The following ENPP6 variants were observed in gnomAD, a reference collection of about 807,000 sequenced individuals.
The protein encoded by ENPP6 is glycerophosphocholine cholinephosphodiesterase ENPP6.
A neutral mutation model predicts 42.0 loss-of-function variants in ENPP6; 32 were observed. That is an observed-to-expected ratio of 0.76 (90% CI 0.58 to 1.02). ENPP6 has a LOEUF of 1.02. ENPP6 is among the 50% of genes least tolerant of loss of function. The probability of loss-of-function intolerance (pLI) is 0.00; values close to 1 mark genes in which losing one functional copy is unlikely to be tolerated. For synonymous variants in ENPP6, 213 were observed against 216.0 expected (o/e 0.99, Z 0.12); for missense variants, 552 against 566.8 (o/e 0.97, Z 0.27).
rs201609614 is a variant in ENPP6 at position 184,217,758 on chromosome 4, G to A, written c.62C>T (p.Ser21Phe). The change falls in exon 1 of 8, where the codon TCT (serine) becomes TTT (phenylalanine). Residue 21 changes from serine to phenylalanine, a missense_variant. Physicochemically the swap from Ser to Phe is radical, Grantham distance 155. This residue lies in a region of ENPP6 where 545 missense variants were observed against 546.3 expected (regional missense o/e 1.00). Coordinates refer to ENST00000296741, the MANE Select transcript of ENPP6 (RefSeq NM_153343.4). Reference protein sequence around the residue: ...ALALGLAQPASARRKLLVFLL... With the variant: ...ALALGLAQPAFARRKLLVFLL... ...AAACACCAGCAGCTTCCGGCGGGCA[G>A]AGGCTGGCTGGGCCAGGCCCAGGGC... 168 of 1,613,984 alleles carry A rather than the reference G, an allele frequency of 1.0e-4. No homozygotes were observed. The highest frequency in any genetic ancestry group is 9.9e-4 in the Middle Eastern group (6 of 6,084).
chr4:184,146,809 C>T (rs1736934025), intron 2 of ENPP6, among the ~76,000 whole-genome samples: 1 of 152,232 alleles, frequency 6.6e-6, no homozygotes, highest in Non-Finnish European at 1.5e-5. Flanking sequence ...TTTCACAGCT[C>T]TGCTGGGGCT....
intron 2 of ENPP6, among the ~76,000 whole-genome samples, chr4:184,133,724 T>G (rs1736682509): frequency 6.6e-6 from 1 of 152,174 alleles, no homozygotes; most frequent in African/African-American, 2.4e-5. Flanking sequence ...AGATATCCTT[T>G]ATCACACTAA....
At chr4:184,152,228 T>C (rs1294917864) in intron 2 of ENPP6, among the ~76,000 whole-genome samples, 1 of 152,206 alleles carries the variant, frequency 6.6e-6, no homozygotes, top group Non-Finnish European at 1.5e-5. Context: ...GGTCTCCGTG[T>C]GTCTGTGTTC....
intron 1 of ENPP6, among the ~76,000 whole-genome samples, chr4:184,200,009 C>G (rs1046606835): frequency 6.6e-6 from 1 of 152,242 alleles, no homozygotes; most frequent in African/African-American, 2.4e-5. Flanking sequence ...AGCTGTCTCC[C>G]TCCTCAAAGC....
chr4:184,104,570 C>T (rs1273522685), intron 6 of ENPP6, among the ~76,000 whole-genome samples: 1 of 152,208 alleles, frequency 6.6e-6, no homozygotes, highest in African/African-American at 2.4e-5. Context: ...TGGACTGTAG[C>T]TCTGGGTCAA....
At chr4:184,125,460 C>G (rs905576907) in intron 2 of ENPP6, among the ~76,000 whole-genome samples, 2 of 152,062 alleles carry the variant, frequency 1.3e-5, no homozygotes, top group Non-Finnish European at 2.9e-5. Flanking sequence ...AAAATGATTT[C>G]CAAGGTGAGG....
At chr4:184,124,862 C>A (rs1047524461) in intron 2 of ENPP6, among the ~76,000 whole-genome samples, 2 of 152,202 alleles carry the variant, frequency 1.3e-5, no homozygotes, top group African/African-American at 4.8e-5. Context: ...GAATCAAACT[C>A]ATTCCGATGT....
intron 7 of ENPP6, among the ~76,000 whole-genome samples, chr4:184,095,668 A>C (rs972926473): frequency 6.7e-6 from 1 of 149,718 alleles, no homozygotes; most frequent in African/African-American, 2.5e-5. Flanking sequence ...AAAAAAAAAT[A>C]TATCTATATA....
chr4:184,150,035 A>C (rs1320214164), intron 2 of ENPP6, among the ~76,000 whole-genome samples: 1 of 152,160 alleles, frequency 6.6e-6, no homozygotes, highest in African/African-American at 2.4e-5. Flanking sequence ...TGAACAACAC[A>C]CACTCAGCTC....
At chr4:184,108,518 G>T (rs1233462937) in intron 6 of ENPP6, among the ~76,000 whole-genome samples, 1 of 152,200 alleles carries the variant, frequency 6.6e-6, no homozygotes, top group Admixed American at 6.5e-5. Context: ...ACAATCGAAC[G>T]ATGTCAAAGG....
At chr4:184,108,973 G>A (rs1736152619) in intron 6 of ENPP6, among the ~76,000 whole-genome samples, 3 of 152,250 alleles carry the variant, frequency 2.0e-5, no homozygotes, top group Admixed American at 2.0e-4. Flanking sequence ...CACTTTGGGA[G>A]GCCAAGGCGG....
At chr4:184,188,625 G>A (rs1365573090) in intron 1 of ENPP6, among the ~76,000 whole-genome samples, 8 of 152,138 alleles carry the variant, frequency 5.3e-5, no homozygotes, top group Non-Finnish European at 1.2e-4. Context: ...AAGCCACGTG[G>A]GGAGACGATG....
chr4:184,158,598 G>A (rs1737211504), intron 1 of ENPP6, among the ~76,000 whole-genome samples: 1 of 152,206 alleles, frequency 6.6e-6, no homozygotes, highest in African/African-American at 2.4e-5. Flanking sequence ...AGAAATTTAT[G>A]AAGAATGCTT....
rs185723482 is a variant in ENPP6 at position 184,094,582 on chromosome 4, G to A, written c.1117+2663C>T. Among the ~76,000 whole-genome samples the A allele has an allele frequency of 5.9e-5, 9 of 152,348 alleles. No individual in the cohort carries two copies. The East Asian group carries it at 1.7e-3, about 29-fold the overall frequency. ...CTGATCCAACTGAGGACCCAGACAG[G>A]CTCTACTAGCTGAAGATGGCATTTC... is the stretch of plus-strand genomic sequence containing the variant. On this transcript the variant is annotated intron_variant, in intron 7 of 7. Coordinates refer to ENST00000296741, the MANE Select transcript of ENPP6 (RefSeq NM_153343.4).
At chr4:184,134,393 G>C (rs1374854573) in intron 2 of ENPP6, among the ~76,000 whole-genome samples, 3 of 152,036 alleles carry the variant, frequency 2.0e-5, no homozygotes, top group Admixed American at 6.6e-5. Flanking sequence ...TTTTAGGAAT[G>C]GTTTTTAAAG....
intron 1 of ENPP6, among the ~76,000 whole-genome samples, chr4:184,155,037 G>A (rs926139067): frequency 6.6e-6 from 1 of 152,152 alleles, no homozygotes; most frequent in African/African-American, 2.4e-5. Context: ...ACTCAACAGA[G>A]GGTCCTCTGT....
rs1005339986 is a variant in ENPP6 at position 184,136,195 on chromosome 4, A to G, written c.422-11923T>C. Among the ~76,000 whole-genome samples, 3 of 148,652 alleles carry G rather than the reference A, an allele frequency of 2.0e-5. No individual in the cohort carries two copies. The South Asian group carries it at 6.4e-4, about 32-fold the overall frequency. ...TGGAAATATTAGTCTATTAAAGTCT[A>G]TTAGTCTATTAAATTTTATATAAAT... On this transcript the variant is annotated intron_variant, in intron 2 of 7. Coordinates refer to ENST00000296741, the MANE Select transcript of ENPP6 (RefSeq NM_153343.4).
At chr4:184,200,059 C>A (rs563800977) in intron 1 of ENPP6, among the ~76,000 whole-genome samples, 1 of 152,356 alleles carries the variant, frequency 6.6e-6, no homozygotes, top group East Asian at 1.9e-4. Flanking sequence ...ATGACACCTG[C>A]TGCTGCCCAG....
At chr4:184,187,400 CCACCACA>C (rs1161786889) in intron 1 of ENPP6, among the ~76,000 whole-genome samples, 5 of 152,186 alleles carry the variant, frequency 3.3e-5, no homozygotes, top group Non-Finnish European at 7.3e-5. Flanking sequence ...TGCGTGAAGG[CCACCACA>C]CCACTGCACA....
Sources: gnomAD v4.1 joint callset for allele counts (sites outside exome capture counted in the v4.1 genomes callset) on GRCh38, gnomAD v4.1.1 for gene constraint, gnomAD v4.1.1 regional missense constraint, MANE v1.5 for transcripts, NCBI Gene and HGNC (gene_info 2026-07-23, HGNC 2026-07-21) for gene names.